Variants in ADCY2 observed in about 807,000 individuals in gnomAD.
ADCY2 encodes adenylate cyclase type 2.
In ADCY2, 31 loss-of-function variants were observed where a neutral mutation model predicts 125.2. The observed-to-expected ratio is 0.25, with a 90% CI of 0.19 to 0.33. The LOEUF (loss-of-function observed/expected upper bound fraction) is 0.33. Ranked by LOEUF, ADCY2 falls within the 10% of genes least tolerant of loss-of-function variation. ADCY2 has a pLI of 1.00. For missense variants in ADCY2, 904 were observed against 1,418.2 expected (o/e 0.64, Z 5.82); for synonymous variants, 512 against 548.4 (o/e 0.93, Z 0.93).
chr5:7,583,706 T>G (rs1029296225), intron 3 of ADCY2, among the ~76,000 whole-genome samples: 1 of 152,136 alleles, frequency 6.6e-6, no homozygotes, highest in Non-Finnish European at 1.5e-5. Flanking sequence ...GGCAATTTCT[T>G]TCAAAATGAA....
chr5:7,577,747 A>G (rs913937805), intron 3 of ADCY2, among the ~76,000 whole-genome samples: 1 of 152,212 alleles, frequency 6.6e-6, no homozygotes, highest in African/African-American at 2.4e-5. Flanking sequence ...TTCAAGGGCC[A>G]TAGTTTACCT....
intron 4 of ADCY2, among the ~76,000 whole-genome samples, chr5:7,637,810 A>G (rs1003728844): frequency 1.3e-5 from 2 of 152,232 alleles, no homozygotes; most frequent in Non-Finnish European, 2.9e-5. Context: ...AGCACATATC[A>G]GTGCATGTCA....
intron 18 of ADCY2, among the ~76,000 whole-genome samples, chr5:7,778,618 G>A (rs115865550): frequency 1.1e-3 from 169 of 152,316 alleles, no homozygotes; most frequent in African/African-American, 3.9e-3. Context: ...AAGAGCATTG[G>A]AGATGCTTGG....
intron 3 of ADCY2, among the ~76,000 whole-genome samples, chr5:7,540,009 C>G (rs959324404): frequency 1.3e-5 from 2 of 152,200 alleles, no homozygotes; most frequent in African/African-American, 2.4e-5. Context: ...ACAACTCTTT[C>G]TCTTGAAAAT....
intron 4 of ADCY2, among the ~76,000 whole-genome samples, chr5:7,645,233 G>C (rs1462839052): frequency 6.6e-6 from 1 of 152,108 alleles, no homozygotes; most frequent in African/African-American, 2.4e-5. Flanking sequence ...TTTTTGAATT[G>C]CAAATGGCCT....
intron 2 of ADCY2, among the ~76,000 whole-genome samples, chr5:7,495,171 A>G (rs1431994421): frequency 6.6e-6 from 1 of 152,188 alleles, no homozygotes; most frequent in Non-Finnish European, 1.5e-5. Flanking sequence ...CTGCACATGT[A>G]TGTTAGCCCT....
At chr5:7,730,190 C>T (rs1467096536) in intron 14 of ADCY2, among the ~76,000 whole-genome samples, 2 of 152,136 alleles carry the variant, frequency 1.3e-5, no homozygotes, top group Non-Finnish European at 2.9e-5. Flanking sequence ...CAGCTCCAAC[C>T]AAGTTGCTGC....
intron 2 of ADCY2, among the ~76,000 whole-genome samples, chr5:7,515,434 T>C (rs1246206414): frequency 3.9e-5 from 6 of 152,208 alleles, no homozygotes; most frequent in Admixed American, 1.3e-4. Context: ...AGGGGCCAGC[T>C]TCTCTGGGCT....
At chr5:7,797,070 C>A (rs532017301) in intron 20 of ADCY2, 3 of 152,212 alleles carry the variant, frequency 2.0e-5, no homozygotes, top group Admixed American at 2.0e-4. Context: ...CTCCCAGTGA[C>A]GACCAGGCAG....
intron 3 of ADCY2, among the ~76,000 whole-genome samples, chr5:7,564,881 A>G (rs1159702129): frequency 6.6e-6 from 1 of 152,194 alleles, no homozygotes; most frequent in African/African-American, 2.4e-5. Flanking sequence ...ATACAAGACT[A>G]TTACCAAGAG....
chr5:7,816,985 G>A lies in ADCY2; in HGVS notation c.2998+5G>A. ...ACGACTTCAAATTGCGAGTGGGTAC[G>A]TTCTGCAAAAGAGGTCTCGGTTTCA... On this transcript the variant is annotated splice_donor_5th_base_variant and intron_variant, in intron 23 of 24. Transcript: ENST00000338316. 2 of 1,611,412 alleles carry A rather than the reference G, an allele frequency of 1.2e-6. No individual in the cohort carries two copies. Among genetic ancestry groups the A allele is most frequent in the South Asian group, 1.1e-5 (1 of 91,012 alleles).
intron 3 of ADCY2, among the ~76,000 whole-genome samples, chr5:7,603,770 G>C (rs2126637902): frequency 1.2e-5 from 1 of 86,006 alleles, no homozygotes; most frequent in East Asian, 3.4e-4. Flanking sequence ...AAATTCTGGG[G>C]TAATGCTCTC....
At chr5:7,592,601 TATAAG>T (rs1736884228) in intron 3 of ADCY2, among the ~76,000 whole-genome samples, 2 of 151,954 alleles carry the variant, frequency 1.3e-5, no homozygotes. Context: ...ATAAGAAAAC[TATAAG>T]ATAAGTAAAA....
intron 3 of ADCY2, among the ~76,000 whole-genome samples, chr5:7,553,653 A>G (rs965645396): frequency 1.3e-5 from 2 of 152,184 alleles, no homozygotes; most frequent in Admixed American, 6.5e-5. Context: ...ACATTGCTGC[A>G]GATAAGCTGA....
At chr5:7,713,486 T>C (rs1372915901) in intron 11 of ADCY2, among the ~76,000 whole-genome samples, 1 of 143,452 alleles carries the variant, frequency 7.0e-6, no homozygotes, top group Non-Finnish European at 1.5e-5. Context: ...AGAGTGAAAC[T>C]GTGTCTCAGA....
Position 7,396,312 on chromosome 5 carries a change from A to T in ADCY2, c.16A>T (p.Met6Leu). The change falls in exon 1 of 25, where the codon ATG (methionine) becomes TTG (leucine). Residue 6 changes from methionine (M) to leucine (L), a missense_variant. Met to Leu is a conservative substitution (Grantham distance 15, BLOSUM62 2). Around this residue, in one of 7 missense-constraint regions of ADCY2, gnomAD observed 113 missense variants for 108.0 expected, o/e 1.05. Coordinates refer to ENST00000338316, the MANE Select transcript of ADCY2 (RefSeq NM_020546.3). The surrounding 1 kb of genome is among the most constrained non-coding windows in gnomAD (Gnocchi z 5.7). MWQEA[M>L]RRRRYLRDRS... is the part of the protein sequence containing the mutation. ...AGCGGCCCCGATGTGGCAGGAGGCG[A>T]TGCGGCGCCGCCGCTACCTGCGGGA... 7.0e-7 allele frequency: 1 copy of T among 1,437,116 alleles called. No homozygotes were observed. The highest frequency in any genetic ancestry group is 1.5e-5 in the African/African-American group (1 of 66,820). 89.0% of individuals were successfully genotyped at this position (1,437,116 alleles called of 1,614,324 possible).
At chr5:7,609,107 T>C (rs991918557) in intron 3 of ADCY2, among the ~76,000 whole-genome samples, 3 of 152,230 alleles carry the variant, frequency 2.0e-5, no homozygotes, top group Non-Finnish European at 4.4e-5. Flanking sequence ...CATAGCTTCA[T>C]GGTTCCAGTT....
intron 3 of ADCY2, among the ~76,000 whole-genome samples, chr5:7,551,032 CCCTT>C (rs1357300455): frequency 6.8e-6 from 1 of 146,238 alleles, no homozygotes; most frequent in Non-Finnish European, 1.5e-5. Context: ...CTCCCTCCCT[CCCTT>C]CCTCCCTTCC....
chr5:7,724,804 A>G lies in ADCY2; in HGVS notation c.1773+190A>G, dbSNP rs762409002. On this transcript the variant is annotated intron_variant, in intron 13 of 24. Coordinates refer to ENST00000338316, the MANE Select transcript of ADCY2 (RefSeq NM_020546.3). The stretch of plus-strand genomic sequence containing the variant: ...CGGTATTTCTTGTTACCAAGATTCC[A>G]TCTTTGATCAGTTACCATTCTCAAC... Among the ~76,000 whole-genome samples, 2 of 152,258 alleles carry G rather than the reference A, an allele frequency of 1.3e-5. 1 individual carries two copies. Among genetic ancestry groups the G allele is most frequent in the South Asian group, 4.1e-4 (2 of 4,824 alleles).
Sources: allele counts gnomAD v4.1 joint callset (sites outside exome capture counted in the v4.1 genomes callset), GRCh38; gene constraint gnomAD v4.1.1; regional missense constraint gnomAD v4.1.1; non-coding constraint Gnocchi (gnomAD v3.1); transcripts MANE v1.5; gene names NCBI Gene and HGNC (gene_info 2026-07-23, HGNC 2026-07-21).